The following ZNF569 variants were observed in gnomAD, a reference collection of about 807,000 sequenced individuals.
ZNF569 encodes the protein DNA-binding protein.
In ZNF569, 38 loss-of-function variants were observed where a neutral mutation model predicts 56.3. The observed-to-expected ratio is 0.68, with a 90% CI of 0.52 to 0.88. The LOEUF is 0.88. Ranked by LOEUF, ZNF569 falls within the 40% of genes least tolerant of loss-of-function variation. The pLI is 0.00. For missense variants in ZNF569, 666 were observed against 809.2 expected (o/e 0.82, Z 2.15); for synonymous variants, 241 against 262.9 (o/e 0.92, Z 0.81).
chr19:37,421,128 C>T (rs1348789607), intron 5 of ZNF569, among the ~76,000 whole-genome samples: 3 of 152,188 alleles, frequency 2.0e-5, no homozygotes, highest in Non-Finnish European at 4.4e-5. Flanking sequence ...GATGTGCTGT[C>T]GTCCAGGCTT....
chr19:37,424,330 G>A (rs1465434), intron 5 of ZNF569, among the ~76,000 whole-genome samples: 17,032 of 152,056 alleles, frequency 0.11, 1,223 homozygotes, highest in Non-Finnish European at 0.16. Flanking sequence ...TGGTACTCCC[G>A]AAGATGCTAA....
At position 37,414,370 on chromosome 19, in the gene ZNF569, C is replaced by T. The variant is rs2040893478; in HGVS notation, c.288G>A (p.Leu96=). 6.2e-7 allele frequency: 1 copy of T among 1,610,528 alleles called. No homozygotes were observed. The change falls in exon 6 of 6, where the codon TTG becomes TTA. Residue 96 remains leucine (L), a synonymous_variant. Transcript: ENST00000316950. ...DEHQKNQDRL[L]RQVEVKFQKT... ...TCTGGAATTTAACTTCAACTTGTCT[C>T]AAAAGTCTGTCCTGGTTTTTCTGAT...
chr19:37,426,483 G>C (rs1367347100), intron 3 of ZNF569, 105 bp from the exon 4 acceptor site: 6 of 1,247,594 alleles, frequency 4.8e-6, no homozygotes, highest in Admixed American at 5.5e-5. Context: ...TATTAAAAAA[G>C]CCCATCATAT....
chr19:37,419,396 T>A (rs1166273838), intron 5 of ZNF569, among the ~76,000 whole-genome samples: 2 of 152,182 alleles, frequency 1.3e-5, no homozygotes, highest in Non-Finnish European at 2.9e-5. Flanking sequence ...ATAAAGCATG[T>A]CACACAACAT....
chr19:37,460,024 A>G (rs1314829675), intron 2 of ZNF569, among the ~76,000 whole-genome samples: 2 of 152,238 alleles, frequency 1.3e-5, no homozygotes, highest in Non-Finnish European at 2.9e-5. Context: ...TAATCAGACA[A>G]AGGAGGGGAG....
intron 3 of ZNF569, among the ~76,000 whole-genome samples, chr19:37,439,505 A>G (rs1177678167): frequency 6.6e-6 from 1 of 152,246 alleles, no homozygotes; most frequent in Non-Finnish European, 1.5e-5. Flanking sequence ...AAGTTCATCA[A>G]AAAAGTAAAA....
chr19:37,420,243 C>T (rs2041011276), intron 5 of ZNF569, among the ~76,000 whole-genome samples: 1 of 151,968 alleles, frequency 6.6e-6, no homozygotes, highest in Non-Finnish European at 1.5e-5. Context: ...CCACCTCGGC[C>T]TCCCAAAGTG....
chr19:37,428,803 T>C (rs1210354549), intron 3 of ZNF569, among the ~76,000 whole-genome samples: 2 of 151,758 alleles, frequency 1.3e-5, no homozygotes, highest in East Asian at 1.9e-4. Context: ...GTCTCCCAAA[T>C]AGCTAGAACT....
chr19:37,427,368 A>T (rs1348727937), intron 3 of ZNF569, among the ~76,000 whole-genome samples: 2 of 152,182 alleles, frequency 1.3e-5, no homozygotes, highest in African/African-American at 4.8e-5. Context: ...AACTTCTTAA[A>T]GGCAATGTGA....
intron 3 of ZNF569, among the ~76,000 whole-genome samples, chr19:37,441,646 ACC>A (rs2041408428): frequency 6.6e-6 from 1 of 150,604 alleles, no homozygotes; most frequent in African/African-American, 2.4e-5. Context: ...ACAGAGTAAG[ACC>A]CTGTTTCAAA....
At chr19:37,469,069 C>T, upstream of ZNF569, 1 of 1,007,862 alleles carries the variant, frequency 9.9e-7, no homozygotes, top group Non-Finnish European at 1.2e-6. Flanking sequence ...CGCACTTCCA[C>T]ACCAGCCCGT....
At chr19:37,466,457 C>T (rs1014530175) in intron 1 of ZNF569, among the ~76,000 whole-genome samples, 13 of 151,982 alleles carry the variant, frequency 8.6e-5, no homozygotes, top group Admixed American at 3.9e-4. Flanking sequence ...TGGAGAAACC[C>T]CGTCTCTACT....
At chr19:37,462,696 T>C (rs2041774119) in intron 2 of ZNF569, among the ~76,000 whole-genome samples, 1 of 152,214 alleles carries the variant, frequency 6.6e-6, no homozygotes, top group Admixed American at 6.5e-5. Context: ...CAGTCTCTTT[T>C]GCTAATTCCT....
chr19:37,429,573 C>CTTTAAGG, intron 3 of ZNF569, among the ~76,000 whole-genome samples: 1 of 152,298 alleles, frequency 6.6e-6, no homozygotes, highest in Admixed American at 6.5e-5. Flanking sequence ...GGATGGTGCT[C>CTTTAAGG]GAATCCTCTT....
At chr19:37,462,190 G>T (rs1354599790) in intron 2 of ZNF569, among the ~76,000 whole-genome samples, 1 of 152,034 alleles carries the variant, frequency 6.6e-6, no homozygotes, top group Admixed American at 6.6e-5. Flanking sequence ...TTGTATCTGT[G>T]CCTGGGTACT....
chr19:37,432,151 G>A (rs1032718879), intron 3 of ZNF569, among the ~76,000 whole-genome samples: 4 of 152,212 alleles, frequency 2.6e-5, no homozygotes, highest in Non-Finnish European at 5.9e-5. Flanking sequence ...GCCACCTGCT[G>A]ACTGTAGAGT....
intron 3 of ZNF569, among the ~76,000 whole-genome samples, chr19:37,437,726 C>T (rs1600319577): frequency 6.6e-6 from 1 of 152,034 alleles, no homozygotes; most frequent in African/African-American, 2.4e-5. Flanking sequence ...TTAATATTTT[C>T]AGTAGCTAAA....
intron 2 of ZNF569, among the ~76,000 whole-genome samples, chr19:37,451,322 C>G (rs1245069255): frequency 6.6e-6 from 1 of 151,384 alleles, no homozygotes; most frequent in African/African-American, 2.4e-5. Flanking sequence ...ATCACTTGAA[C>G]CCGGGAGGCG....
At chr19:37,438,554 G>T in intron 3 of ZNF569, among the ~76,000 whole-genome samples, 1 of 152,136 alleles carries the variant, frequency 6.6e-6, no homozygotes, top group East Asian at 1.9e-4. Context: ...TCCATATGCA[G>T]AAAAATGAAA....
Sources: allele counts gnomAD v4.1 joint callset (sites outside exome capture counted in the v4.1 genomes callset), GRCh38; gene constraint gnomAD v4.1.1; transcripts MANE v1.5; gene names NCBI Gene and HGNC (gene_info 2026-07-23, HGNC 2026-07-21).